Variants in VTI1A observed in about 807,000 individuals in gnomAD.
VTI1A encodes the protein vesicle transport through interaction with t-SNAREs homolog 1A.
In VTI1A, 22 loss-of-function variants were observed where a neutral mutation model predicts 34.9. The observed-to-expected ratio is 0.63, with a 90% CI of 0.45 to 0.90. VTI1A has a LOEUF of 0.90. Ranked by LOEUF, VTI1A falls within the 40% of genes least tolerant of loss-of-function variation. VTI1A has a pLI of 0.00. For missense variants in VTI1A, 268 were observed against 275.6 expected (o/e 0.97, Z 0.20); for synonymous variants, 87 against 97.3 (o/e 0.89, Z 0.62).
rs191088914 is a variant in VTI1A, at chr10:112,806,359, C to T, written c.561-8931C>T. Among the ~76,000 whole-genome samples the T allele has an allele frequency of 3.9e-3, 595 of 152,204 alleles. 3 individuals carry two copies. The highest frequency in any genetic ancestry group is 5.5e-3 in the Non-Finnish European group (375 of 68,010). On this transcript the variant is annotated intron_variant, in intron 7 of 7. Coordinates refer to ENST00000393077, the MANE Select transcript of VTI1A (RefSeq NM_145206.4). ...GGAGTGCAGTGGCAAGATCTTGGCT[C>T]ACTGCAACTTCCACCTCCCGGGTTC...
intron 5 of VTI1A, among the ~76,000 whole-genome samples, chr10:112,578,926 G>A (rs1843815422): frequency 6.6e-6 from 1 of 152,212 alleles, no homozygotes; most frequent in Non-Finnish European, 1.5e-5. Flanking sequence ...GTCAGCACAT[G>A]AGCCAACTTG....
intron 5 of VTI1A, among the ~76,000 whole-genome samples, chr10:112,542,728 C>T (rs1323108537): frequency 5.9e-5 from 9 of 152,040 alleles, no homozygotes; most frequent in Non-Finnish European, 1.3e-4. Context: ...AGTGATTATC[C>T]TTTCCTCATT....
At chr10:112,676,441 T>G (rs1248144789) in intron 7 of VTI1A, among the ~76,000 whole-genome samples, 2 of 152,146 alleles carry the variant, frequency 1.3e-5, no homozygotes, top group Non-Finnish European at 2.9e-5. Flanking sequence ...CTTTTGCCCT[T>G]TTGAATATTA....
intron 7 of VTI1A, among the ~76,000 whole-genome samples, chr10:112,733,597 TGTC>T (rs1167399835): frequency 3.3e-5 from 5 of 152,182 alleles, no homozygotes; most frequent in East Asian, 3.8e-4. Context: ...TTTTGGGTAA[TGTC>T]ATCATCATCT....
At chr10:112,764,196 TG>T (rs1851574967) in intron 7 of VTI1A, among the ~76,000 whole-genome samples, 2 of 152,154 alleles carry the variant, frequency 1.3e-5, no homozygotes, top group Admixed American at 1.3e-4. Flanking sequence ...ATCTCTCCTG[TG>T]CCAGCAGTGT....
Position 112,697,346 on chromosome 10 carries a change from TC to T in VTI1A, c.560+28350del, listed in dbSNP as rs1446403179. On this transcript the variant is annotated intron_variant, in intron 7 of 7. Coordinates refer to ENST00000393077, the MANE Select transcript of VTI1A (RefSeq NM_145206.4). ...GTAGCTGGGACTATAGGTGCATGCC[TC>T]CACACCTGGCTAATTCTGTTCTTGG... is the stretch of plus-strand genomic sequence containing the variant. Among the ~76,000 whole-genome samples, 6 of 151,454 alleles carry T rather than the reference TC, an allele frequency of 4.0e-5. 1 individual carries two copies. In the East Asian group the frequency reaches 7.8e-4, roughly 20 times the overall value.
chr10:112,527,271 T>A, intron 4 of VTI1A, 107 bp downstream of exon 4: 1 of 881,306 alleles, frequency 1.1e-6, no homozygotes, highest in Non-Finnish European at 1.8e-6. Context: ...GCAACTCATG[T>A]GGAAGCGATA....
At chr10:112,464,488 A>C in intron 2 of VTI1A, 59 bp from the exon 3 acceptor site, 2 of 1,461,926 alleles carry the variant, frequency 1.4e-6, no homozygotes, top group South Asian at 2.4e-5. Flanking sequence ...AGCCGTAAAC[A>C]TTTGTTCAAA....
At chr10:112,825,048 A>G in the VTI1A span, 1 of 152,250 alleles carries the variant, frequency 6.6e-6, no homozygotes, top group Non-Finnish European at 1.5e-5. Flanking sequence ...TTGTGCCCAG[A>G]AGGGCCCCAC....
At chr10:112,775,794 G>C (rs1329410092) in intron 7 of VTI1A, among the ~76,000 whole-genome samples, 1 of 152,202 alleles carries the variant, frequency 6.6e-6, no homozygotes, top group Non-Finnish European at 1.5e-5. Flanking sequence ...ATAGGACACA[G>C]GTCTCTCTCT....
chr10:112,822,703 T>C (rs1853675886), downstream of VTI1A, among the ~76,000 whole-genome samples: 1 of 152,160 alleles, frequency 6.6e-6, no homozygotes, highest in Admixed American at 6.5e-5. Flanking sequence ...ACTGCATTTC[T>C]AAAGAAAGGG....
intron 7 of VTI1A, among the ~76,000 whole-genome samples, chr10:112,700,464 A>C (rs536457157): frequency 6.8e-6 from 1 of 147,036 alleles, no homozygotes; most frequent in Admixed American, 6.7e-5. Context: ...CTTTCTAATC[A>C]ATCATCTTTC....
chr10:112,852,421 C>A, the VTI1A span, among the ~76,000 whole-genome samples: 1 of 152,338 alleles, frequency 6.6e-6, no homozygotes. Context: ...TCTTTCACTT[C>A]CCAATTCTCT....
intron 5 of VTI1A, among the ~76,000 whole-genome samples, chr10:112,595,264 G>A (rs1844580483): frequency 1.4e-5 from 2 of 146,696 alleles, no homozygotes; most frequent in African/African-American, 2.6e-5. Context: ...AGGACTTCAT[G>A]TCTAAAACAC....
intron 7 of VTI1A, among the ~76,000 whole-genome samples, chr10:112,751,091 T>A (rs1215956754): frequency 6.6e-6 from 1 of 152,140 alleles, no homozygotes; most frequent in Admixed American, 6.5e-5. Flanking sequence ...CCTTTATCTG[T>A]CCGGACTGTA....
chr10:112,809,201 C>G (rs1164413392), intron 7 of VTI1A, among the ~76,000 whole-genome samples: 1 of 152,224 alleles, frequency 6.6e-6, no homozygotes. Context: ...AGCTCAGAGG[C>G]AAACATGTCC....
rs200465404 is a variant in VTI1A, at chr10:112,814,988, C to T, written c.561-302C>T. ...GGCCCTTGATCACTTAAAGAGGCTA[C>T]ATGATTTTCTGAGCCTCGAAAGCCA... On this transcript the variant is annotated intron_variant, in intron 7 of 7. Transcript: ENST00000393077. Among the ~76,000 whole-genome samples, 29 of 151,786 alleles carry T rather than the reference C, an allele frequency of 1.9e-4. No homozygotes were observed. In the East Asian group the frequency reaches 5.5e-3, roughly 29 times the overall value.
intron 7 of VTI1A, among the ~76,000 whole-genome samples, chr10:112,777,995 G>A (rs1429119760): frequency 2.0e-5 from 3 of 152,078 alleles, no homozygotes; most frequent in Non-Finnish European, 4.4e-5. Flanking sequence ...CCAGCTACTC[G>A]AGAGGCTGAG....
chr10:112,618,516 T>TAGAGAGAGAGAGAGAGAGAGAGAGAGAG (rs1295144968), intron 5 of VTI1A, among the ~76,000 whole-genome samples: 3 of 46,418 alleles, frequency 6.5e-5, no homozygotes, highest in East Asian at 1.7e-3. Context: ...TATATATATA[T>TAGAGAGAGAGAGAGAGAGAGAGAGAGAG]ATATATATAG....
Sources: allele counts gnomAD v4.1 joint callset (sites outside exome capture counted in the v4.1 genomes callset), GRCh38; gene constraint gnomAD v4.1.1; transcripts MANE v1.5; gene names NCBI Gene and HGNC (gene_info 2026-07-23, HGNC 2026-07-21).